The following SCUBE2 variants were observed in gnomAD, a reference collection of about 807,000 sequenced individuals.
SCUBE2 encodes signal peptide, CUB and EGF-like domain-containing protein 2.
In SCUBE2, 114 loss-of-function variants were observed where a neutral mutation model predicts 125.9. The observed-to-expected ratio is 0.91, with a 90% CI of 0.78 to 1.06. The LOEUF (loss-of-function observed/expected upper bound fraction) is 1.06. Ranked by LOEUF, SCUBE2 falls within the 50% of genes least tolerant of loss-of-function variation. The probability of loss-of-function intolerance (pLI) is 0.00; values close to 1 mark genes in which losing one functional copy is unlikely to be tolerated. For synonymous variants in SCUBE2, 459 were observed against 492.9 expected, an observed-to-expected ratio of 0.93 and a Z score of 0.91; for missense variants, 1,255 against 1,301.8, an observed-to-expected ratio of 0.96 and a Z score of 0.55.
In SCUBE2 at chr11:9,048,053, G is replaced by T. The variant is rs1449905081; in HGVS notation, c.1685C>A (p.Thr562Lys). 1.2e-6 allele frequency: 2 copies of T among 1,614,050 alleles called. No individual in the cohort carries two copies. Among genetic ancestry groups the T allele is most frequent in the Non-Finnish European group, 1.7e-6 (2 of 1,180,016 alleles). ...VKESFRYVNL[T>K]CSSGKQVPGA... The stretch of plus-strand genomic sequence containing the variant: ...TGGGACTTGCTTGCCAGAGCTGCAT[G>T]TAAGGTTTACGTAGCGGAAGCTCTC... Residue 562 changes from threonine (T) to lysine (K), a missense_variant, in exon 15 of 23, where the codon ACA becomes AAA. Transcript: ENST00000649792.
At chr11:9,077,816 G>A (rs1245629704) in intron 3 of SCUBE2, among the ~76,000 whole-genome samples, 3 of 152,240 alleles carry the variant, frequency 2.0e-5, no homozygotes, top group African/African-American at 7.2e-5. Context: ...GGGAAATGGA[G>A]ATACTCTGTG....
At chr11:9,081,609 C>T (rs1861645341) in intron 2 of SCUBE2, among the ~76,000 whole-genome samples, 1 of 151,776 alleles carries the variant, frequency 6.6e-6, no homozygotes, top group Admixed American at 6.6e-5. Flanking sequence ...CGCTTGAGAC[C>T]AGGAGTTTGA....
chr11:9,066,821 C>T lies in SCUBE2; in HGVS notation c.644-8G>A. Reference sequence around the variant, plus strand: ...TCCCATGGTTACAGGTCACTGACAGCAAAATGAATCAATACATAAAGCACT... The same window carrying T: ...TCCCATGGTTACAGGTCACTGACAGTAAAATGAATCAATACATAAAGCACT... On this transcript the variant is annotated splice_polypyrimidine_tract_variant and splice_region_variant and intron_variant, in intron 5 of 22. Coordinates refer to ENST00000649792, the MANE Select transcript of SCUBE2 (RefSeq NM_001367977.2). 1 of 1,597,798 alleles carries T rather than the reference C, an allele frequency of 6.3e-7. No homozygotes were observed. The highest frequency in any genetic ancestry group is 8.6e-7 in the Non-Finnish European group (1 of 1,165,198).
chr11:9,022,046 C>T, intron 21 of SCUBE2, 91 bp from the exon 22 acceptor site: 2 of 933,122 alleles, frequency 2.1e-6, no homozygotes, highest in Non-Finnish European at 1.7e-6. Context: ...TGAGAAATGC[C>T]CCTTCTGTGG....
At chr11:9,027,110 G>A (rs1855831670) in intron 20 of SCUBE2, 1 of 501,720 alleles carries the variant, frequency 2.0e-6, no homozygotes, top group Non-Finnish European at 3.6e-6. Context: ...TTGTGGAAGA[G>A]GGTCCAAAAC....
At chr11:9,052,501 G>A (rs1319009490) in intron 13 of SCUBE2, among the ~76,000 whole-genome samples, 1 of 152,220 alleles carries the variant, frequency 6.6e-6, no homozygotes, top group Non-Finnish European at 1.5e-5. Flanking sequence ...TCTGCCCAGG[G>A]TGATGACCCA....
chr11:9,057,180 T>C (rs1859172054), intron 9 of SCUBE2: 1 of 152,242 alleles, frequency 6.6e-6, no homozygotes, highest in African/African-American at 2.4e-5. Context: ...GTATGGGCTT[T>C]TGCTTTGCCA....
intron 5 of SCUBE2, among the ~76,000 whole-genome samples, chr11:9,068,266 C>A (rs1590120620): frequency 6.6e-6 from 1 of 152,176 alleles, no homozygotes; most frequent in East Asian, 1.9e-4. Flanking sequence ...CTCAGTGCTT[C>A]CCCTGGCATA....
intron 11 of SCUBE2, 22 bp from the exon 12 acceptor site, chr11:9,053,237 C>T: frequency 6.3e-7 from 1 of 1,588,544 alleles, no homozygotes; most frequent in Non-Finnish European, 8.6e-7. Flanking sequence ...AAAACAGACA[C>T]TTACAGAAAG....
rs563379493 is a variant in SCUBE2 at position 9,044,545 on chromosome 11, A to G, written c.2002+2811T>C. ...CTGCACCCAGCCTATTTTTTTAAAA[A>G]GATATATCTATTCATACGTAAACCT... On this transcript the variant is annotated intron_variant, in intron 16 of 22. Transcript: ENST00000649792. 3.9e-5 allele frequency among the ~76,000 whole-genome samples: 6 copies of G among 152,300 alleles called. No homozygotes were observed. The South Asian group carries it at 8.3e-4, about 21-fold the overall frequency.
At chr11:9,081,673 CAAA>C (rs76482625) in intron 2 of SCUBE2, among the ~76,000 whole-genome samples, 17 of 82,126 alleles carry the variant, frequency 2.1e-4, no homozygotes, top group Admixed American at 9.6e-4. Context: ...AACAAACAAA[CAAA>C]AAAAAAAAAC....
chr11:9,037,501 A>C (rs1212379552), intron 16 of SCUBE2, among the ~76,000 whole-genome samples: 1 of 152,220 alleles, frequency 6.6e-6, no homozygotes, highest in African/African-American at 2.4e-5. Flanking sequence ...TGTGGCTAAG[A>C]TGATGAACCT....
chr11:9,053,532 G>A (rs1858658153), intron 11 of SCUBE2, 105 bp downstream of exon 11: 3 of 1,317,076 alleles, frequency 2.3e-6, no homozygotes, highest in Non-Finnish European at 3.2e-6. Context: ...TGGTGGGGAA[G>A]TCAGTGGAGG....
intron 18 of SCUBE2, 25 bp from the exon 19 acceptor site, chr11:9,030,070 G>T (rs759652060): frequency 5.0e-6 from 8 of 1,591,206 alleles, no homozygotes; most frequent in Non-Finnish European, 6.0e-6. Context: ...AGGGTGAAAA[G>T]AATGAAAAAA....
chr11:9,042,428 G>C (rs1857339443), intron 16 of SCUBE2, among the ~76,000 whole-genome samples: 1 of 152,010 alleles, frequency 6.6e-6, no homozygotes, highest in Non-Finnish European at 1.5e-5. Context: ...TCTACCATCA[G>C]ATGCACCTTT....
chr11:9,041,087 ACTT>A (rs1418810846), intron 16 of SCUBE2, among the ~76,000 whole-genome samples: 1 of 152,224 alleles, frequency 6.6e-6, no homozygotes, highest in Non-Finnish European at 1.5e-5. Flanking sequence ...TCAATAATGA[ACTT>A]CGCCCAATTG....
intron 2 of SCUBE2, among the ~76,000 whole-genome samples, chr11:9,080,477 C>T (rs965923146): frequency 6.6e-6 from 1 of 151,748 alleles, no homozygotes; most frequent in African/African-American, 2.4e-5. Flanking sequence ...AGTGAGACCC[C>T]CATCTCTACA....
At position 9,091,573 on chromosome 11, in the gene SCUBE2, T is replaced by TGGC. The variant is rs1176276919; in HGVS notation, c.-48_-46dup. 30 of 422,194 alleles carry TGGC rather than the reference T, an allele frequency of 7.1e-5. No individual in the cohort carries two copies. Among genetic ancestry groups the TGGC allele is most frequent in the South Asian group, 2.2e-4 (2 of 9,204 alleles). The allele number at this position is 422,194 out of a possible 1,614,324, so 26.2% of individuals were successfully genotyped here. A position where few individuals can be genotyped will look rare whatever the true frequency, so the allele number is the denominator to read the frequency against. ...GGCAGAGGCGGCGGAGTGCGGGCGG[T>TGGC]GGCGGCGGCGGCGCGGGGAGGTGTG... On this transcript the variant is annotated 5_prime_UTR_variant, in exon 1 of 23. Transcript: ENST00000649792. The surrounding 1 kb of genome is among the most constrained non-coding windows in gnomAD (Gnocchi z 8.5).
rs766854486 is a variant in SCUBE2 at position 9,055,948 on chromosome 11, C to G, written c.1091-39G>C. The G allele has an allele frequency of 5.4e-6, 8 of 1,491,970 alleles. No homozygotes were observed. In the African/African-American group the frequency reaches 8.3e-5, roughly 15 times the overall value. 92.4% of individuals were successfully genotyped at this position (1,491,970 alleles called of 1,614,324 possible). Reference sequence around the variant, plus strand: ...AGGGAGAGGGGAGCTGAAACCCACTCTGAGGGATGAGTGAAGAATAGGTTT... The same window carrying G: ...AGGGAGAGGGGAGCTGAAACCCACTGTGAGGGATGAGTGAAGAATAGGTTT... On this transcript the variant is annotated intron_variant, in intron 9 of 22. Coordinates refer to ENST00000649792, the MANE Select transcript of SCUBE2 (RefSeq NM_001367977.2).
Sources: allele counts gnomAD v4.1 joint callset (sites outside exome capture counted in the v4.1 genomes callset), GRCh38; gene constraint gnomAD v4.1.1; non-coding constraint Gnocchi (gnomAD v3.1); transcripts MANE v1.5; gene names NCBI Gene and HGNC (gene_info 2026-07-23, HGNC 2026-07-21).